KLHDC4: variants seen among roughly 807,000 people sequenced by gnomAD.
The protein encoded by KLHDC4 is kelch domain-containing protein 4.
In KLHDC4, 90 loss-of-function variants were observed where a neutral mutation model predicts 62.4. The ratio of observed to expected loss-of-function variants is 1.44; its 90% confidence interval spans 1.22 to 1.72. The LOEUF is 1.72. Ranked by LOEUF, KLHDC4 falls within the 40% of genes most tolerant of loss-of-function variation. The pLI is 0.00. For missense variants in KLHDC4, 1,025 were observed against 699.7 expected (o/e 1.47, Z -5.25); for synonymous variants, 386 against 284.4 (o/e 1.36, Z -3.59).
intron 4 of KLHDC4, among the ~76,000 whole-genome samples, chr16:87,751,659 C>T (rs1261776733): frequency 6.6e-6 from 1 of 152,136 alleles, no homozygotes; most frequent in Non-Finnish European, 1.5e-5. Flanking sequence ...TGGCTCATGC[C>T]TGTAACCCCA....
chr16:87,745,378 G>A (rs901421775), intron 5 of KLHDC4, among the ~76,000 whole-genome samples: 1 of 152,200 alleles, frequency 6.6e-6, no homozygotes, highest in Non-Finnish European at 1.5e-5. Flanking sequence ...CCCGCCCTGT[G>A]GTGCCTCTGC....
chr16:87,762,108 A>T, intron 1 of KLHDC4, 68 bp from the exon 2 acceptor site: 1 of 1,594,880 alleles, frequency 6.3e-7, no homozygotes, highest in Non-Finnish European at 8.5e-7. Flanking sequence ...CAGCCCGCTC[A>T]GCTTTCCTCC....
intron 4 of KLHDC4, among the ~76,000 whole-genome samples, chr16:87,754,278 A>G (rs1226338808): frequency 6.6e-6 from 1 of 151,594 alleles, no homozygotes; most frequent in African/African-American, 2.4e-5. Flanking sequence ...CCTGGGGGGC[A>G]GAGGTTGCAA....
intron 6 of KLHDC4, chr16:87,729,476 G>C (rs139051191): frequency 1.3e-5 from 2 of 152,380 alleles, no homozygotes; most frequent in Non-Finnish European, 2.9e-5. Context: ...ACCTTCACCA[G>C]GGTTGCAGAG....
chr16:87,741,837 G>A (rs996907829), intron 5 of KLHDC4, among the ~76,000 whole-genome samples: 2 of 152,052 alleles, frequency 1.3e-5, no homozygotes, highest in African/African-American at 4.8e-5. Flanking sequence ...TCACATCCTC[G>A]GCTGAAAAAC....
At position 87,744,142 on chromosome 16, in the gene KLHDC4, A is replaced by G. The variant is rs9923650; in HGVS notation, c.506+4531T>C. Among the ~76,000 whole-genome samples the G allele has an allele frequency of 5.0e-3, 757 of 151,898 alleles. 7 individuals are homozygous for G. The highest frequency in any genetic ancestry group is 0.017 in the African/African-American group (704 of 41,424). Reference sequence around the variant, plus strand: ...AAAAATACAAAAATTAAGGCTGGGTACAGTGGCTCATGCCTGTAATCCCAG... The same window carrying G: ...AAAAATACAAAAATTAAGGCTGGGTGCAGTGGCTCATGCCTGTAATCCCAG... On this transcript the variant is annotated intron_variant, in intron 5 of 11. Coordinates refer to ENST00000270583, the MANE Select transcript of KLHDC4 (RefSeq NM_017566.4).
intron 2 of KLHDC4, among the ~76,000 whole-genome samples, chr16:87,758,382 AAT>A (rs1291893880): frequency 1.3e-5 from 2 of 152,196 alleles, no homozygotes; most frequent in African/African-American, 4.8e-5. Context: ...CATAAGAAGA[AAT>A]AAAGTTCTCA....
At chr16:87,711,958 G>A (rs2035960482) in intron 8 of KLHDC4, among the ~76,000 whole-genome samples, 1 of 151,180 alleles carries the variant, frequency 6.6e-6, no homozygotes, top group Non-Finnish European at 1.5e-5. Flanking sequence ...CCTCCGCCCT[G>A]CAAGGGGACC....
Position 87,761,961 on chromosome 16 carries a change from G to C in KLHDC4, c.179C>G (p.Pro60Arg), listed in dbSNP as rs546816885. ...GCTACTTGCTCACCTTGGTGAGGGTGGGGGGCACGGAAGTTCCACAGTCTG... is the reference window on the plus strand; with the variant it reads ...GCTACTTGCTCACCTTGGTGAGGGTCGGGGGCACGGAAGTTCCACAGTCTG... ...RTQTVELPCP[P>R]PSPRLNASLS... is the part of the protein sequence containing the mutation. Residue 60 changes from proline (P) to arginine (R), a missense_variant, in exon 2 of 12, where the codon CCA becomes CGA. Coordinates refer to ENST00000270583, the MANE Select transcript of KLHDC4 (RefSeq NM_017566.4). 1.9e-6 allele frequency: 3 copies of C among 1,613,342 alleles called. No homozygotes were observed. Among genetic ancestry groups the C allele is most frequent in the South Asian group, 1.1e-5 (1 of 90,972 alleles).
At chr16:87,729,516 C>CACTTATGACAGAAACAGGGATA in intron 6 of KLHDC4, among the ~76,000 whole-genome samples, 1 of 152,354 alleles carries the variant, frequency 6.6e-6, no homozygotes, top group East Asian at 1.9e-4. Context: ...AACACAACTG[C>CACTTATGACAGAAACAGGGATA]ACTTATGACA....
intron 1 of KLHDC4, among the ~76,000 whole-genome samples, chr16:87,764,060 GAGC>G (rs1467582206): frequency 1.3e-5 from 2 of 152,310 alleles, no homozygotes; most frequent in African/African-American, 4.8e-5. Flanking sequence ...AGTTCTGTGG[GAGC>G]AGAATTCCAA....
At chr16:87,759,581 T>G (rs1436039750) in intron 2 of KLHDC4, among the ~76,000 whole-genome samples, 1 of 152,126 alleles carries the variant, frequency 6.6e-6, no homozygotes, top group Non-Finnish European at 1.5e-5. Context: ...ACTCCGTCTC[T>G]ACTAAAAATA....
chr16:87,742,344 G>A lies in KLHDC4; in HGVS notation c.506+6329C>T, dbSNP rs2042362296. Among the ~76,000 whole-genome samples the A allele has an allele frequency of 2.6e-5, 4 of 152,214 alleles. No homozygotes were observed. In the South Asian group the frequency reaches 6.2e-4, roughly 24 times the overall value. Reference sequence around the variant, plus strand: ...GCCTGACCTGCCAAACCACCGTTAAGAGAATGCTTTCATTCTGCAATCATT... The same window carrying A: ...GCCTGACCTGCCAAACCACCGTTAAAAGAATGCTTTCATTCTGCAATCATT... On this transcript the variant is annotated intron_variant, in intron 5 of 11. Coordinates refer to ENST00000270583, the MANE Select transcript of KLHDC4 (RefSeq NM_017566.4).
At chr16:87,728,886 T>C (rs909511285) in intron 6 of KLHDC4, among the ~76,000 whole-genome samples, 4 of 152,156 alleles carry the variant, frequency 2.6e-5, no homozygotes, top group Admixed American at 1.3e-4. Flanking sequence ...GCGATTCTCT[T>C]GTATCAGCCT....
At position 87,709,746 on chromosome 16, in the gene KLHDC4, C is replaced by A. The variant is rs987433933; in HGVS notation, c.1045-79G>T. The A allele has an allele frequency of 6.2e-6, 9 of 1,450,440 alleles. No individual in the cohort carries two copies. In the African/African-American group the frequency reaches 8.5e-5, roughly 14 times the overall value. 89.8% of individuals were successfully genotyped at this position (1,450,440 alleles called of 1,614,324 possible). A position where few individuals can be genotyped will look rare whatever the true frequency, so the allele number is the denominator to read the frequency against. On this transcript the variant is annotated intron_variant, in intron 9 of 11. Coordinates refer to ENST00000270583, the MANE Select transcript of KLHDC4 (RefSeq NM_017566.4). ...TTCCTGCTATGCCCACAAGGCCAGG[C>A]AAGGGTTTGCGGGGACCACCCACAA...
intron 4 of KLHDC4, among the ~76,000 whole-genome samples, chr16:87,751,547 G>C (rs1232539330): frequency 6.6e-6 from 1 of 152,040 alleles, no homozygotes; most frequent in African/African-American, 2.4e-5. Flanking sequence ...AGTTTAGGGA[G>C]AATAGACAAT....
chr16:87,744,331 C>T (rs13335873), intron 5 of KLHDC4, among the ~76,000 whole-genome samples: 26,346 of 151,586 alleles, frequency 0.17, 2,782 homozygotes, highest in Non-Finnish European at 0.24. Flanking sequence ...AGGAGAATTG[C>T]TTGAACCTCT....
At chr16:87,714,793 G>A (rs2036608046) in intron 7 of KLHDC4, among the ~76,000 whole-genome samples, 1 of 152,140 alleles carries the variant, frequency 6.6e-6, no homozygotes, top group African/African-American at 2.4e-5. Flanking sequence ...CCTTTCTAAT[G>A]GCCGCGATCA....
chr16:87,734,976 C>G (rs2041042164), intron 5 of KLHDC4, among the ~76,000 whole-genome samples: 1 of 58,726 alleles, frequency 1.7e-5, no homozygotes. Context: ...TGACGCCCCT[C>G]CCCCTCCTGA....
Sources: allele counts gnomAD v4.1 joint callset (sites outside exome capture counted in the v4.1 genomes callset), GRCh38; gene constraint gnomAD v4.1.1; transcripts MANE v1.5; gene names NCBI Gene and HGNC (gene_info 2026-07-23, HGNC 2026-07-21).